The following MLXIPL variants were observed in gnomAD, a reference collection of about 807,000 sequenced individuals.
MLXIPL encodes carbohydrate-responsive element-binding protein.
A neutral mutation model predicts 81.5 loss-of-function variants in MLXIPL; 49 were observed. That is an observed-to-expected ratio of 0.60 (90% CI 0.48 to 0.76). The LOEUF is 0.76. Ranked by LOEUF, MLXIPL falls within the 30% of genes least tolerant of loss-of-function variation. The probability of loss-of-function intolerance (pLI) is 0.00; values close to 1 mark genes in which losing one functional copy is unlikely to be tolerated. For missense variants in MLXIPL, 1,053 were observed against 1,167.0 expected (o/e 0.90, Z 1.42); for synonymous variants, 466 against 485.5 (o/e 0.96, Z 0.53).
intron 2 of MLXIPL, 40 bp from the exon 3 acceptor site, chr7:73,607,712 C>T (rs374041210): frequency 6.1e-5 from 95 of 1,568,444 alleles, no homozygotes; most frequent in Non-Finnish European, 7.5e-5. Flanking sequence ...CCAGCTTCCT[C>T]ATCCCCCACC....
chr7:73,629,658 G>A, the MLXIPL span, among the ~76,000 whole-genome samples: 1 of 152,194 alleles, frequency 6.6e-6, no homozygotes, highest in Non-Finnish European at 1.5e-5. Context: ...TCAGGAGTTG[G>A]AGGCTGCAGT....
chr7:73,638,326 A>G, the MLXIPL span, among the ~76,000 whole-genome samples: 1 of 152,130 alleles, frequency 6.6e-6, no homozygotes, highest in African/African-American at 2.4e-5. Flanking sequence ...TTTTTTGGGG[A>G]CAGAATCTCA....
At chr7:73,603,301 G>A (rs554946143) in intron 7 of MLXIPL, among the ~76,000 whole-genome samples, 1 of 152,264 alleles carries the variant, frequency 6.6e-6, no homozygotes, top group South Asian at 2.1e-4. Flanking sequence ...TCCCCCATGC[G>A]CCAGCAGCCA....
chr7:73,626,386 T>C (rs1554603874), upstream of MLXIPL, among the ~76,000 whole-genome samples: 1 of 151,996 alleles, frequency 6.6e-6, no homozygotes, highest in East Asian at 1.9e-4. Flanking sequence ...CACTGCAGCC[T>C]CAAACTCCTG....
chr7:73,596,024 C>A lies in MLXIPL; in HGVS notation c.2059-55G>T. The A allele has an allele frequency of 2.5e-6, 4 of 1,607,454 alleles. No homozygotes were observed. The highest frequency in any genetic ancestry group is 1.9e-4 in the Middle Eastern group (1 of 5,266). ...GGTGCTAGAGGCTGTACCCTGGGAC[C>A]CACTGAGGCACTGGGATGGGAGGAG... On this transcript the variant is annotated intron_variant, in intron 13 of 16. Coordinates refer to ENST00000313375, the MANE Select transcript of MLXIPL (RefSeq NM_032951.3). The surrounding 1 kb of genome is among the most constrained non-coding windows in gnomAD (Gnocchi z 4.7).
Position 73,595,905 on chromosome 7 carries a change from G to A in MLXIPL, c.2123C>T (p.Ala708Val), listed in dbSNP as rs782715602. 26 of 1,612,746 alleles carry A rather than the reference G, an allele frequency of 1.6e-5. No homozygotes were observed. The highest frequency in any genetic ancestry group is 2.7e-5 in the African/African-American group (2 of 74,892). The part of the protein sequence containing the change: ...EYILMLQQER[A>V]GLQEEAQQLR... Reference sequence around the variant, plus strand: ...CTGCTGGGCCTCCTCCTGCAAGCCCGCACGCTCCTGCTGTAGCATAAGGAT... The same window carrying A: ...CTGCTGGGCCTCCTCCTGCAAGCCCACACGCTCCTGCTGTAGCATAAGGAT... The change falls in exon 14 of 17, where the codon GCG becomes GTG. Residue 708 changes from alanine (A) to valine (V), a missense_variant. Ala to Val is a moderately conservative substitution (Grantham distance 64). This residue lies in a region of MLXIPL where 823 missense variants were observed against 933.0 expected (regional missense o/e 0.88). Coordinates refer to ENST00000313375, the MANE Select transcript of MLXIPL (RefSeq NM_032951.3).
At chr7:73,625,612 C>T (rs750490207), upstream of MLXIPL, among the ~76,000 whole-genome samples, 9 of 151,788 alleles carry the variant, frequency 5.9e-5, no homozygotes, top group Non-Finnish European at 1.0e-4. Flanking sequence ...CAAAAATTAC[C>T]GGATGTGACG....
intron 7 of MLXIPL, 34 bp downstream of exon 7, chr7:73,605,654 C>G (rs374730879): frequency 6.2e-7 from 1 of 1,609,760 alleles, no homozygotes; most frequent in African/African-American, 1.3e-5. Flanking sequence ...CAGACCCTGC[C>G]CGTCCACCCG....
upstream of MLXIPL, among the ~76,000 whole-genome samples, chr7:73,626,753 C>A (rs73137079): frequency 0.11 from 17,238 of 152,192 alleles, 1,286 homozygotes; most frequent in African/African-American, 0.21. Context: ...CCAAGGATGT[C>A]CCTAGTGGGT....
chr7:73,625,382 G>A (rs372492239), upstream of MLXIPL, among the ~76,000 whole-genome samples: 6 of 152,156 alleles, frequency 3.9e-5, no homozygotes, highest in South Asian at 2.1e-4. Context: ...AACTCTCAGG[G>A]GCCTGATGTG....
rs1794008228 is a variant in MLXIPL, at chr7:73,593,452, C to T, written c.*413G>A. 4 of 297,020 alleles carry T rather than the reference C, an allele frequency of 1.3e-5. No individual in the cohort carries two copies. The highest frequency in any genetic ancestry group is 1.2e-3 in the Middle Eastern group (1 of 828). The allele number at this position is 297,020 out of a possible 1,614,324, so 18.4% of individuals were successfully genotyped here. A position where few individuals can be genotyped will look rare whatever the true frequency, so the allele number is the denominator to read the frequency against. Reference sequence around the variant, plus strand: ...GAACAGAGGTCTGTGCCCCACCTGTCGGGGAGCAAGTGGAGGTGACAGAGA... The same window carrying T: ...GAACAGAGGTCTGTGCCCCACCTGTTGGGGAGCAAGTGGAGGTGACAGAGA... On this transcript the variant is annotated 3_prime_UTR_variant, in exon 17 of 17. Transcript: ENST00000313375.
Position 73,596,280 on chromosome 7 carries a change from A to C in MLXIPL, c.1939-8T>G. 6.2e-7 allele frequency: 1 copy of C among 1,601,928 alleles called. No homozygotes were observed. Among genetic ancestry groups the C allele is most frequent in the African/African-American group, 1.4e-5 (1 of 70,412 alleles). ...GATACGCCGGTTCTCGGTCTCGGGG[A>C]GCAGAGAGTTGGGTGAGCCTAGGAA... On this transcript the variant is annotated splice_polypyrimidine_tract_variant and splice_region_variant and intron_variant, in intron 12 of 16. Transcript: ENST00000313375. This position sits in a 1 kb window ranked among gnomAD's most constrained non-coding sequence, Gnocchi z 4.7.
At chr7:73,611,783 C>G (rs1310773525) in intron 2 of MLXIPL, among the ~76,000 whole-genome samples, 1 of 151,200 alleles carries the variant, frequency 6.6e-6, no homozygotes, top group African/African-American at 2.4e-5. Context: ...ACCACTGCAC[C>G]CCAGCCTGGG....
chr7:73,605,417 C>T (rs939207809), intron 7 of MLXIPL, among the ~76,000 whole-genome samples: 9 of 152,184 alleles, frequency 5.9e-5, no homozygotes, highest in East Asian at 1.9e-4. Flanking sequence ...AAAAATTAGC[C>T]GGGTTTGGTG....
chr7:73,621,292 C>T (rs149246938), intron 1 of MLXIPL, among the ~76,000 whole-genome samples: 178 of 151,792 alleles, frequency 1.2e-3, no homozygotes, highest in African/African-American at 4.2e-3. Context: ...CCAGAAACTA[C>T]CTCCCTGGGG....
intron 1 of MLXIPL, among the ~76,000 whole-genome samples, chr7:73,616,460 C>G (rs548660534): frequency 6.6e-6 from 1 of 152,288 alleles, no homozygotes; most frequent in East Asian, 1.9e-4. Context: ...CAGCTCGGCC[C>G]TGGAAGCAAC....
intron 7 of MLXIPL, among the ~76,000 whole-genome samples, chr7:73,602,098 T>G (rs13230959): frequency 0.06 from 6,229 of 103,330 alleles, 284 homozygotes; most frequent in African/African-American, 0.12. Context: ...CTGCCTGCCT[T>G]CCTGCCTGCC....
At position 73,598,044 on chromosome 7, in the gene MLXIPL, A is replaced by C. The variant is rs2116215910; in HGVS notation, c.1072-331T>G. Among the ~76,000 whole-genome samples the C allele has an allele frequency of 1.3e-5, 2 of 151,782 alleles. 1 individual carries two copies. The highest frequency in any genetic ancestry group is 4.2e-4 in the South Asian group (2 of 4,800). The stretch of plus-strand genomic sequence containing the variant: ...TTGTCCACCAATCCATCCACCAACC[A>C]ACTCACCCATCCATTCATCATCCAT... On this transcript the variant is annotated intron_variant, in intron 8 of 16. Transcript: ENST00000313375.
At chr7:73,595,581 G>T (rs1794209989) in intron 15 of MLXIPL, 56 bp downstream of exon 15, 13 of 1,613,646 alleles carry the variant, frequency 8.1e-6, no homozygotes, top group African/African-American at 1.3e-5. Context: ...GCCCAGCCTG[G>T]TCTCACCCTG....
Sources: allele counts gnomAD v4.1 joint callset (sites outside exome capture counted in the v4.1 genomes callset), GRCh38; gene constraint gnomAD v4.1.1; regional missense constraint gnomAD v4.1.1; non-coding constraint Gnocchi (gnomAD v3.1); transcripts MANE v1.5; gene names NCBI Gene and HGNC (gene_info 2026-07-23, HGNC 2026-07-21).